The following TCF20 variants were observed in gnomAD, a reference collection of about 807,000 sequenced individuals.
TCF20 encodes SPRE-binding protein.
Under a neutral mutation model 148.6 loss-of-function variants are expected in TCF20, and 3 were observed. That is an observed-to-expected ratio of 0.02 (90% confidence interval 0.01 to 0.05). TCF20 has a LOEUF of 0.05. Ranked by LOEUF, TCF20 falls within the 10% of genes least tolerant of loss-of-function variation. The probability of loss-of-function intolerance (pLI) is 1.00; values close to 1 mark genes in which losing one functional copy is unlikely to be tolerated. For synonymous variants in TCF20, 1,049 were observed against 909.5 expected, an observed-to-expected ratio of 1.15 and a Z score of -2.76; for missense variants, 2,350 against 2,429.3, an observed-to-expected ratio of 0.97 and a Z score of 0.69.
chr22:42,178,585 C>CTTTTTTTTTTTTTTTTTTTTTTTTTTTT (rs71184870), intron 3 of TCF20, among the ~76,000 whole-genome samples: 1 of 78,428 alleles, frequency 1.3e-5, no homozygotes, highest in African/African-American at 4.9e-5. Flanking sequence ...ACAAATAATT[C>CTTTTTTTTTTTTTTTTTTTTTTTTTTTT]TTTTTTTTTT....
intron 1 of TCF20, among the ~76,000 whole-genome samples, chr22:42,248,143 G>A (rs1925073532): frequency 6.6e-6 from 1 of 152,184 alleles, no homozygotes; most frequent in Admixed American, 6.5e-5. Flanking sequence ...GCTGTGAAGG[G>A]AGAACAGGGC....
intron 1 of TCF20, among the ~76,000 whole-genome samples, chr22:42,303,438 G>A (rs1340944981): frequency 1.3e-5 from 2 of 152,384 alleles, no homozygotes; most frequent in East Asian, 3.9e-4. Context: ...GCTCGGTGCA[G>A]GGCAGGGATC....
At chr22:42,267,774 G>A (rs187532535) in intron 1 of TCF20, among the ~76,000 whole-genome samples, 2 of 152,264 alleles carry the variant, frequency 1.3e-5, no homozygotes, top group African/African-American at 4.8e-5. Context: ...CTACCAAACT[G>A]TCTCCGAAGT....
chr22:42,209,807 T>C lies in TCF20; in HGVS notation c.5499A>G (p.Glu1833=). ...TTTGTAACTCCAGCTCAGGGCCACC[T>C]TCTGAAGTGGTGGGCACGGAGGGCT... ...DSKPSVPTTS[E]GGPELELQIP... Residue 1833 remains glutamate, a synonymous_variant, in exon 2 of 6, where the codon GAA becomes GAG. Coordinates refer to ENST00000677622, the MANE Select transcript of TCF20 (RefSeq NM_001378418.1). The C allele has an allele frequency of 6.2e-7, 1 of 1,614,196 alleles. No homozygotes were observed. Among genetic ancestry groups the C allele is most frequent in the Non-Finnish European group, 8.5e-7 (1 of 1,180,022 alleles).
intron 2 of TCF20, among the ~76,000 whole-genome samples, chr22:42,196,156 C>G (rs1937592646): frequency 6.6e-6 from 1 of 152,172 alleles, no homozygotes; most frequent in Non-Finnish European, 1.5e-5. Context: ...CTGTCCTACC[C>G]TCAGTGAGGA....
chr22:42,244,181 G>A (rs1234276550), intron 1 of TCF20, among the ~76,000 whole-genome samples: 1 of 152,184 alleles, frequency 6.6e-6, no homozygotes, highest in Non-Finnish European at 1.5e-5. Context: ...TCCAGCCTGG[G>A]CCACACATGG....
chr22:42,226,491 G>T (rs1163913268), intron 1 of TCF20, among the ~76,000 whole-genome samples: 1 of 152,108 alleles, frequency 6.6e-6, no homozygotes, highest in African/African-American at 2.4e-5. Context: ...TCACACCTGA[G>T]GTCAGAAGTT....
Position 42,297,766 on chromosome 22 carries a change from T to G in TCF20, c.-37+45713A>C, listed in dbSNP as rs1265319380. ...ACAAACCACAACAGAAGGCCTCGGG[T>G]CGCATCCCCCCACCAGCTGGGGCCC... On this transcript the variant is annotated intron_variant, in intron 1 of 1. Transcript: ENST00000515426. The surrounding 1 kb of genome is among the most constrained non-coding windows in gnomAD (Gnocchi z 4.3). Among the ~76,000 whole-genome samples, 8 of 150,104 alleles carry G rather than the reference T, an allele frequency of 5.3e-5. No individual in the cohort carries two copies. Among genetic ancestry groups the G allele is most frequent in the Non-Finnish European group, 8.9e-5 (6 of 67,516 alleles).
intron 1 of TCF20, among the ~76,000 whole-genome samples, chr22:42,340,793 C>T (rs763436697): frequency 6.6e-6 from 1 of 152,022 alleles, no homozygotes; most frequent in Non-Finnish European, 1.5e-5. Flanking sequence ...ATCTCTTCCA[C>T]ACGCCAAAGC....
intron 1 of TCF20, among the ~76,000 whole-genome samples, chr22:42,246,914 C>G (rs1194218206): frequency 6.7e-6 from 1 of 148,738 alleles, no homozygotes; most frequent in African/African-American, 2.5e-5. Context: ...TGCAGTGAGC[C>G]GAGATTGCGC....
chr22:42,322,052 G>A (rs992548415), intron 1 of TCF20, among the ~76,000 whole-genome samples: 2 of 151,794 alleles, frequency 1.3e-5, no homozygotes, highest in Non-Finnish European at 2.9e-5. Flanking sequence ...TTTGGAACAA[G>A]GCCCAGCACT....
chr22:42,198,705 A>G (rs1937761093), intron 2 of TCF20, among the ~76,000 whole-genome samples: 2 of 146,474 alleles, frequency 1.4e-5, no homozygotes, highest in Admixed American at 1.4e-4. Context: ...TGTGTCGCCC[A>G]GGCTGGAGTG....
chr22:42,339,344 T>A lies in TCF20; in HGVS notation c.-37+4135A>T, dbSNP rs8135490. On this transcript the variant is annotated intron_variant, in intron 1 of 1. Transcript: ENST00000515426. Reference sequence around the variant, plus strand: ...AGCTGGACAGATCTAGAGCCAGGACTCAGGGCTGGGGTTTCAGAATCCAAA... The same window carrying A: ...AGCTGGACAGATCTAGAGCCAGGACACAGGGCTGGGGTTTCAGAATCCAAA... Among the ~76,000 whole-genome samples, 1,208 of 152,316 alleles carry A rather than the reference T, an allele frequency of 7.9e-3. 16 individuals carry two copies. Among genetic ancestry groups the A allele is most frequent in the Non-Finnish European group, 0.015 (996 of 68,016 alleles).
rs535277285 is a variant in TCF20, at chr22:42,299,335, C to T, written c.-37+44144G>A. 6.6e-6 allele frequency among the ~76,000 whole-genome samples: 1 copy of T among 152,184 alleles called. No homozygotes were observed. The highest frequency in any genetic ancestry group is 1.9e-4 in the East Asian group (1 of 5,178). On this transcript the variant is annotated intron_variant, in intron 1 of 1. Transcript: ENST00000515426. The surrounding 1 kb of genome is among the most constrained non-coding windows in gnomAD (Gnocchi z 4.1). ...TCCCAGCCCCTCTCCCCACATCCAGCCCCCTGCTCTGGCACTCTCTCCATC... is the reference window on the plus strand; with the variant it reads ...TCCCAGCCCCTCTCCCCACATCCAGTCCCCTGCTCTGGCACTCTCTCCATC...
chr22:42,270,384 G>A lies in TCF20; in HGVS notation c.-82C>T, dbSNP rs1315985672. Among the ~76,000 whole-genome samples the A allele has an allele frequency of 6.6e-6, 1 of 150,996 alleles. No individual in the cohort carries two copies. Among genetic ancestry groups the A allele is most frequent in the African/African-American group, 2.4e-5 (1 of 41,270 alleles). On this transcript the variant is annotated 5_prime_UTR_variant, in exon 1 of 6. Coordinates refer to ENST00000677622, the MANE Select transcript of TCF20 (RefSeq NM_001378418.1). ...GTCCCTCGGCCTCCGCCGGGGGCGG[G>A]CGGGGAGGGAGCGGTGGCGACGGCG...
intron 1 of TCF20, among the ~76,000 whole-genome samples, chr22:42,238,730 G>A (rs1262566511): frequency 6.6e-6 from 1 of 152,180 alleles, no homozygotes; most frequent in Admixed American, 6.5e-5. Context: ...ACACCCAGTT[G>A]GCAGCAGTCT....
At chr22:42,225,353 A>G (rs960679333) in intron 1 of TCF20, among the ~76,000 whole-genome samples, 3 of 151,224 alleles carry the variant, frequency 2.0e-5, no homozygotes, top group African/African-American at 7.3e-5. Context: ...GGTGGCTCAC[A>G]CCTGTAATCC....
At chr22:42,273,639 AAAAAAAACAAAC>A (rs1434279693), upstream of TCF20, among the ~76,000 whole-genome samples, 2 of 151,940 alleles carry the variant, frequency 1.3e-5, no homozygotes, top group Non-Finnish European at 2.9e-5. Context: ...GAACAGTAAA[AAAAAAAACAAAC>A]AAAAAAACAA....
chr22:42,255,396 G>C (rs182295084), intron 1 of TCF20, among the ~76,000 whole-genome samples: 1 of 152,126 alleles, frequency 6.6e-6, no homozygotes, highest in East Asian at 1.9e-4. Context: ...GGCTAAGGCA[G>C]GGGCATCACT....
Sources: gnomAD v4.1 joint callset for allele counts (sites outside exome capture counted in the v4.1 genomes callset) on GRCh38, gnomAD v4.1.1 for gene constraint, Gnocchi (gnomAD v3.1) non-coding constraint, MANE v1.5 for transcripts, NCBI Gene and HGNC (gene_info 2026-07-23, HGNC 2026-07-21) for gene names.